The following CLSTN2 variants were observed in gnomAD, a reference collection of about 807,000 sequenced individuals.
CLSTN2 encodes the protein calsyntenin 2, also known as calsyntenin-2.
CLSTN2 carries 48 observed loss-of-function variants against 101.2 expected under a neutral mutation model. The ratio of observed to expected loss-of-function variants is 0.47; its 90% CI spans 0.38 to 0.60. The LOEUF (loss-of-function observed/expected upper bound fraction) is 0.60, where lower values mean the gene tolerates loss of function less well. Among genes scored for constraint, CLSTN2 ranks in the 20% least tolerant of loss-of-function variants. The pLI is 0.00. For missense variants in CLSTN2, 1,160 were observed against 1,238.2 expected (o/e 0.94, Z 0.95); for synonymous variants, 481 against 463.6 (o/e 1.04, Z -0.48).
intron 2 of CLSTN2, among the ~76,000 whole-genome samples, chr3:140,192,246 C>T (rs2010576603): frequency 6.6e-6 from 1 of 151,820 alleles, no homozygotes; most frequent in Non-Finnish European, 1.5e-5. Context: ...TATAGTCTAT[C>T]TCAGTAGATA....
At chr3:140,149,501 G>A (rs1328644366) in intron 1 of CLSTN2, among the ~76,000 whole-genome samples, 1 of 152,000 alleles carries the variant, frequency 6.6e-6, no homozygotes, top group African/African-American at 2.4e-5. Flanking sequence ...CTGTCACCAG[G>A]CTGGAGTGCA....
intron 2 of CLSTN2, among the ~76,000 whole-genome samples, chr3:140,255,695 C>T (rs2086598356): frequency 6.6e-6 from 1 of 152,082 alleles, no homozygotes; most frequent in Non-Finnish European, 1.5e-5. Context: ...TACACCAAAC[C>T]CCCATGACCA....
At chr3:140,384,555 G>T (rs911127446) in intron 2 of CLSTN2, among the ~76,000 whole-genome samples, 2 of 152,082 alleles carry the variant, frequency 1.3e-5, no homozygotes, top group South Asian at 2.1e-4. Flanking sequence ...GTGCCCAGGG[G>T]TCGCCTGGTG....
At chr3:140,120,035 C>T (rs2350500) in intron 1 of CLSTN2, among the ~76,000 whole-genome samples, 107,239 of 152,034 alleles carry the variant, frequency 0.71, 37,919 homozygotes, top group East Asian at 0.8. Flanking sequence ...GGACCAAATG[C>T]GTAGAGGTTT....
rs549149903 is a variant in CLSTN2, at chr3:140,222,886, A to C, written c.232+46813A>C. Among the ~76,000 whole-genome samples the C allele has an allele frequency of 2.0e-3, 307 of 151,376 alleles. 2 individuals carry two copies. Among genetic ancestry groups the C allele is most frequent in the African/African-American group, 7.1e-3 (294 of 41,326 alleles). On this transcript the variant is annotated intron_variant, in intron 2 of 16. Coordinates refer to ENST00000458420, the MANE Select transcript of CLSTN2 (RefSeq NM_022131.3). ...ATTAAAATTTTAAGAAAAAAAAAAA[A>C]AACACTGCTATGCCAGGCCTTACTC...
At chr3:140,305,487 C>T (rs918477297) in intron 2 of CLSTN2, among the ~76,000 whole-genome samples, 1 of 152,098 alleles carries the variant, frequency 6.6e-6, no homozygotes, top group Non-Finnish European at 1.5e-5. Context: ...TTTACATCAC[C>T]TCAGCAAGGT....
At chr3:140,364,848 AG>A (rs2087769036) in intron 2 of CLSTN2, among the ~76,000 whole-genome samples, 1 of 152,206 alleles carries the variant, frequency 6.6e-6, no homozygotes, top group Non-Finnish European at 1.5e-5. Context: ...CAGTCCTTAC[AG>A]TGGGCATTGG....
intron 1 of CLSTN2, among the ~76,000 whole-genome samples, chr3:139,955,112 C>CCATATATATATATATA (rs1553785577): frequency 2.1e-4 from 15 of 71,504 alleles, no homozygotes; most frequent in Non-Finnish European, 3.0e-4. Flanking sequence ...GGCAATATTG[C>CCATATATATATATATA]TATATATATA....
chr3:140,415,777 G>A (rs9819063), intron 4 of CLSTN2, among the ~76,000 whole-genome samples: 9,088 of 152,178 alleles, frequency 0.06, 413 homozygotes, highest in African/African-American at 0.12. Context: ...CAGCTATTAC[G>A]GAAAACATCA....
At chr3:140,346,470 T>C (rs918269932) in intron 2 of CLSTN2, among the ~76,000 whole-genome samples, 1 of 152,136 alleles carries the variant, frequency 6.6e-6, no homozygotes, top group Non-Finnish European at 1.5e-5. Flanking sequence ...TGTTCTGAGA[T>C]CTGACTTCCC....
At chr3:140,299,708 T>C (rs1321807284) in intron 2 of CLSTN2, among the ~76,000 whole-genome samples, 2 of 152,214 alleles carry the variant, frequency 1.3e-5, no homozygotes, top group African/African-American at 2.4e-5. Flanking sequence ...GATTGAAAAG[T>C]GATTTTCAGA....
chr3:140,182,373 G>T (rs2010421544), intron 2 of CLSTN2, among the ~76,000 whole-genome samples: 1 of 152,144 alleles, frequency 6.6e-6, no homozygotes, highest in Non-Finnish European at 1.5e-5. Flanking sequence ...GTCTGTGAGT[G>T]AGAACCACAT....
intron 2 of CLSTN2, among the ~76,000 whole-genome samples, chr3:140,233,445 C>G (rs2086388886): frequency 6.6e-6 from 1 of 152,154 alleles, no homozygotes; most frequent in East Asian, 1.9e-4. Flanking sequence ...GTTGTATCTT[C>G]CTTCCTCCTC....
At chr3:140,026,141 C>T (rs997012692) in intron 1 of CLSTN2, among the ~76,000 whole-genome samples, 9 of 152,108 alleles carry the variant, frequency 5.9e-5, no homozygotes, top group Non-Finnish European at 1.2e-4. Flanking sequence ...ATTCAAACCT[C>T]TGCACTTTAG....
rs548415977 is a variant in CLSTN2 at position 140,156,948 on chromosome 3, G to A, written c.110-19003G>A. Among the ~76,000 whole-genome samples the A allele has an allele frequency of 6.2e-4, 95 of 152,068 alleles. No individual in the cohort carries two copies. In the South Asian group the frequency reaches 0.018, roughly 29 times the overall value. Reference sequence around the variant, plus strand: ...CGGAGGACCTGGACAAACACAACCCGCTGACATCAGAGAGAAGTAAAGGCT... The same window carrying A: ...CGGAGGACCTGGACAAACACAACCCACTGACATCAGAGAGAAGTAAAGGCT... On this transcript the variant is annotated intron_variant, in intron 1 of 16. Transcript: ENST00000458420.
chr3:140,200,582 TAA>T (rs1313690353), intron 2 of CLSTN2, among the ~76,000 whole-genome samples: 1 of 152,240 alleles, frequency 6.6e-6, no homozygotes, highest in African/African-American at 2.4e-5. Context: ...CAGGAAGGGT[TAA>T]TAAGGCTATA....
chr3:140,175,673 C>T (rs58015787), intron 1 of CLSTN2, among the ~76,000 whole-genome samples: 3 of 152,222 alleles, frequency 2.0e-5, no homozygotes, highest in East Asian at 3.9e-4. Context: ...GGGATTTTGA[C>T]GAGGTGAAGA....
At chr3:140,215,196 T>C (rs895762327) in intron 2 of CLSTN2, among the ~76,000 whole-genome samples, 1 of 152,200 alleles carries the variant, frequency 6.6e-6, no homozygotes, top group African/African-American at 2.4e-5. Flanking sequence ...TGACTTTTTT[T>C]CTTACTCTTC....
intron 4 of CLSTN2, among the ~76,000 whole-genome samples, chr3:140,414,890 A>G (rs1396678206): frequency 2.0e-5 from 3 of 152,052 alleles, no homozygotes; most frequent in African/African-American, 7.2e-5. Flanking sequence ...AGCAAGAAGA[A>G]CAAACCTGGA....
Sources: allele counts gnomAD v4.1 joint callset (sites outside exome capture counted in the v4.1 genomes callset), GRCh38; gene constraint gnomAD v4.1.1; transcripts MANE v1.5; gene names NCBI Gene and HGNC (gene_info 2026-07-23, HGNC 2026-07-21).